MYO16: variants seen among roughly 807,000 people sequenced by gnomAD.
MYO16 encodes myosin XVI.
MYO16 carries 94 observed loss-of-function variants against 205.3 expected under a neutral mutation model. The observed-to-expected ratio is 0.46, with a 90% CI of 0.39 to 0.54. The LOEUF is 0.54. Ranked by LOEUF, MYO16 falls within the 20% of genes least tolerant of loss-of-function variation. The pLI is 0.00. For missense variants in MYO16, 2,315 were observed against 2,387.5 expected, an observed-to-expected ratio of 0.97 and a Z score of 0.63; for synonymous variants, 988 against 954.0, an observed-to-expected ratio of 1.04 and a Z score of -0.66.
the MYO16 span, among the ~76,000 whole-genome samples, chr13:108,559,470 C>CTTTTTTTTTTTTTTTTTT: frequency 3.3e-4 from 29 of 87,402 alleles, no homozygotes; most frequent in Non-Finnish European, 5.2e-4. Context: ...TTTTTCTTTT[C>CTTTTTTTTTTTTTTTTTT]TTTTTTTTTT....
At chr13:108,706,668 G>A (rs1883521083) in intron 2 of MYO16, among the ~76,000 whole-genome samples, 1 of 152,118 alleles carries the variant, frequency 6.6e-6, no homozygotes, top group African/African-American at 2.4e-5. Context: ...AGTACATAAA[G>A]GATGCTCACT....
At position 108,763,755 on chromosome 13, in the gene MYO16, G is replaced by A. The variant is rs538251680; in HGVS notation, c.508-21880G>A. Among the ~76,000 whole-genome samples the A allele has an allele frequency of 5.3e-5, 8 of 151,062 alleles. No homozygotes were observed. The Admixed American group carries it at 5.3e-4, about 10-fold the overall frequency. The stretch of plus-strand genomic sequence containing the variant: ...ACTTTGAGAAGTCTAAGAGACAGCT[G>A]GTCCTGGAACTCAGGGGAGAGAGAA... On this transcript the variant is annotated intron_variant, in intron 4 of 34. Transcript: ENST00000457511.
intron 10 of MYO16, among the ~76,000 whole-genome samples, chr13:108,854,119 G>A (rs1244351900): frequency 6.6e-6 from 1 of 152,000 alleles, no homozygotes; most frequent in African/African-American, 2.4e-5. Context: ...TCAGCTTCCT[G>A]AGTAGCTGAG....
At chr13:109,019,138 T>C (rs928330057) in intron 22 of MYO16, among the ~76,000 whole-genome samples, 3 of 151,886 alleles carry the variant, frequency 2.0e-5, no homozygotes, top group African/African-American at 7.3e-5. Flanking sequence ...CCAGCTAATT[T>C]CTGTATTATT....
At position 108,804,524 on chromosome 13, in the gene MYO16, T is replaced by G. The variant is rs77238632; in HGVS notation, c.742-2155T>G. On this transcript the variant is annotated intron_variant, in intron 6 of 34. Coordinates refer to ENST00000457511, the MANE Select transcript of MYO16 (RefSeq NM_001198950.3). The stretch of plus-strand genomic sequence containing the variant: ...CATTTTTGTTGTTGTTGTTGTTGTT[T>G]TTAATCTTTTAACTCTAGGTCTAAC... Among the ~76,000 whole-genome samples the G allele has an allele frequency of 9.6e-3, 1,454 of 152,220 alleles. 25 individuals are homozygous for G. The highest frequency in any genetic ancestry group is 0.033 in the African/African-American group (1,388 of 41,544).
At chr13:108,868,018 T>C (rs1486912635) in intron 12 of MYO16, among the ~76,000 whole-genome samples, 3 of 152,246 alleles carry the variant, frequency 2.0e-5, no homozygotes, top group Non-Finnish European at 4.4e-5. Context: ...TATTGTATTT[T>C]GTATGGCTGT....
the MYO16 span, among the ~76,000 whole-genome samples, chr13:108,535,072 TC>T: frequency 2.0e-5 from 3 of 150,494 alleles, no homozygotes; most frequent in Non-Finnish European, 4.4e-5. Context: ...TTCTTCCTCT[TC>T]TTCTTCCCCT....
chr13:108,644,501 C>T (rs1447098305), intron 1 of MYO16, among the ~76,000 whole-genome samples: 2 of 152,230 alleles, frequency 1.3e-5, no homozygotes, highest in Middle Eastern at 3.4e-3. Context: ...GAAAGATTTG[C>T]TCTTTAAATA....
intron 13 of MYO16, chr13:108,886,383 C>A (rs1464403590): frequency 2.2e-6 from 1 of 455,714 alleles, no homozygotes; most frequent in African/African-American, 2.0e-5. Flanking sequence ...GGTGTTGATG[C>A]AGGATTTTGC....
At chr13:108,875,953 G>C (rs1450389217) in intron 12 of MYO16, among the ~76,000 whole-genome samples, 1 of 152,120 alleles carries the variant, frequency 6.6e-6, no homozygotes, top group Non-Finnish European at 1.5e-5. Context: ...GCTGTCTCTT[G>C]TGTCTGTTGA....
intron 16 of MYO16, among the ~76,000 whole-genome samples, chr13:108,911,451 A>G (rs1881263039): frequency 6.6e-6 from 1 of 152,128 alleles, no homozygotes; most frequent in Non-Finnish European, 1.5e-5. Context: ...CCGTTCACAG[A>G]TCTGATGTGG....
chr13:108,652,168 T>A (rs983248558), intron 1 of MYO16, among the ~76,000 whole-genome samples: 1 of 150,122 alleles, frequency 6.7e-6, no homozygotes, highest in African/African-American at 2.5e-5. Flanking sequence ...CGCGCGCGCA[T>A]GTGTGCGCGT....
intron 9 of MYO16, among the ~76,000 whole-genome samples, chr13:108,842,366 G>C (rs1877289047): frequency 6.6e-6 from 1 of 152,044 alleles, no homozygotes; most frequent in Admixed American, 6.6e-5. Context: ...AAATATATAT[G>C]ATAAGGGGTA....
At chr13:108,840,855 G>A (rs1307533203) in intron 9 of MYO16, among the ~76,000 whole-genome samples, 1 of 152,170 alleles carries the variant, frequency 6.6e-6, no homozygotes, top group Non-Finnish European at 1.5e-5. Flanking sequence ...TTATTTGGAA[G>A]ATTTTCATTC....
intron 16 of MYO16, among the ~76,000 whole-genome samples, chr13:108,916,707 G>T (rs1594393476): frequency 6.6e-6 from 1 of 152,178 alleles, no homozygotes; most frequent in South Asian, 2.1e-4. Context: ...AGTTAGCAAG[G>T]ACATTTCACT....
At chr13:109,106,973 T>G (rs527687604) in intron 28 of MYO16, among the ~76,000 whole-genome samples, 4 of 152,152 alleles carry the variant, frequency 2.6e-5, no homozygotes, top group Non-Finnish European at 5.9e-5. Flanking sequence ...GTCTATGATT[T>G]TAAGGATGAG....
At chr13:108,842,831 A>G (rs1297296316) in intron 9 of MYO16, among the ~76,000 whole-genome samples, 1 of 152,222 alleles carries the variant, frequency 6.6e-6, no homozygotes, top group East Asian at 1.9e-4. Context: ...ATTATTCACG[A>G]TAGTAATAAT....
At chr13:109,098,563 G>A (rs1237497465) in intron 27 of MYO16, among the ~76,000 whole-genome samples, 5 of 152,128 alleles carry the variant, frequency 3.3e-5, no homozygotes, top group Non-Finnish European at 5.9e-5. Flanking sequence ...GAAGAATTGG[G>A]CCCTTCCTGT....
chr13:108,548,270 A>G, the MYO16 span, among the ~76,000 whole-genome samples: 1 of 149,620 alleles, frequency 6.7e-6, no homozygotes, highest in South Asian at 2.2e-4. Context: ...AATGAGAGTT[A>G]GGATGATGAT....
Sources: gnomAD v4.1 joint callset for allele counts (sites outside exome capture counted in the v4.1 genomes callset) on GRCh38, gnomAD v4.1.1 for gene constraint, MANE v1.5 for transcripts, NCBI Gene and HGNC (gene_info 2026-07-23, HGNC 2026-07-21) for gene names.